Variants in RGL3 observed in about 807,000 individuals in gnomAD.
The protein encoded by RGL3 is ral guanine nucleotide dissociation stimulator-like 3.
Under a neutral mutation model 90.6 loss-of-function variants are expected in RGL3, and 85 were observed. That is an observed-to-expected ratio of 0.94 (90% CI 0.79 to 1.12). The LOEUF (loss-of-function observed/expected upper bound fraction) is 1.12, where lower values mean the gene tolerates loss of function less well. RGL3 is among the 50% of genes most tolerant of loss of function. The pLI is 0.00. For synonymous variants in RGL3, 408 were observed against 385.5 expected (o/e 1.06, Z -0.68); for missense variants, 1,034 against 939.2 (o/e 1.10, Z -1.32).
In RGL3 at chr19:11,394,307, G is replaced by T; in HGVS notation, c.*95C>A. On this transcript the variant is annotated 3_prime_UTR_variant, in exon 19 of 19. Coordinates refer to ENST00000380456, the MANE Select transcript of RGL3 (RefSeq NM_001035223.4). ...TTGGGTGGTGGTCCTGGGATACACA[G>T]CACAGTGGCCTCTACTGGGGGATGG... The T allele has an allele frequency of 1.1e-6, 1 of 908,222 alleles. No homozygotes were observed. The highest frequency in any genetic ancestry group is 1.8e-6 in the Non-Finnish European group (1 of 541,804). 56.3% of individuals were successfully genotyped at this position (908,222 alleles called of 1,614,324 possible). A position where few individuals can be genotyped will look rare whatever the true frequency, so the allele number is the denominator to read the frequency against.
At chr19:11,403,637 T>C (rs1237227727) in intron 9 of RGL3, among the ~76,000 whole-genome samples, 1 of 100,480 alleles carries the variant, frequency 1.0e-5, no homozygotes, top group African/African-American at 4.3e-5. Context: ...CAAAACTCCA[T>C]CTCAAAAAAA....
Position 11,416,972 on chromosome 19 carries a change from C to T in RGL3, c.235G>A (p.Gly79Arg). The T allele has an allele frequency of 1.2e-6, 2 of 1,614,026 alleles. No homozygotes were observed. Among genetic ancestry groups the T allele is most frequent in the African/African-American group, 2.7e-5 (2 of 74,984 alleles). Reference sequence around the variant, plus strand: ...TCACGGTCTCCAAACACCAACTCTCCCACCAGCCGCTCCAGGCGCGCTGCC... The same window carrying T: ...TCACGGTCTCCAAACACCAACTCTCTCACCAGCCGCTCCAGGCGCGCTGCC... ...LRAARLERLV[G>R]ELVFGDREQD... The change falls in exon 3 of 19, where the codon GGA (glycine) becomes AGA (arginine). Residue 79 changes from glycine to arginine, a missense_variant. Transcript: ENST00000380456.
At chr19:11,402,331 A>T in intron 11 of RGL3, 84 bp from the exon 12 acceptor site, 1 of 1,593,324 alleles carries the variant, frequency 6.3e-7, no homozygotes, top group South Asian at 1.1e-5. Flanking sequence ...CAGGAGCCCC[A>T]CTGTAGTAAG....
rs143935430 is a variant in RGL3 at position 11,405,379 on chromosome 19, G to A, written c.1044C>T (p.Ser348=). 7.7e-5 allele frequency: 124 copies of A among 1,609,896 alleles called. No homozygotes were observed. Among genetic ancestry groups the A allele is most frequent in the Middle Eastern group, 3.3e-4 (2 of 5,986 alleles). ...GGTAGATGGGGTTAGATTGCAGGGC[G>A]GACAGGATGGCGCGCAAGGAGGAGA... ...RNFSSLRAIL[S]ALQSNPIYRL... The change falls in exon 8 of 19, where the codon TCC becomes TCT. Residue 348 remains serine (S), a synonymous_variant. Transcript: ENST00000380456.
In RGL3 at chr19:11,418,651, C is replaced by T; in HGVS notation, c.147+20G>A. ...CTGGTCGCTTCCGGCCCCGCGCCAC[C>T]CACCAAACCCCCTCCTCACCTGGCT... On this transcript the variant is annotated intron_variant, in intron 2 of 18. Coordinates refer to ENST00000380456, the MANE Select transcript of RGL3 (RefSeq NM_001035223.4). 6.6e-7 allele frequency: 1 copy of T among 1,525,630 alleles called. No individual in the cohort carries two copies. The highest frequency in any genetic ancestry group is 8.8e-7 in the Non-Finnish European group (1 of 1,136,294). The allele number at this position is 1,525,630 out of a possible 1,614,324, so 94.5% of individuals were successfully genotyped here.
chr19:11,414,150 TATATATATATATATATATATATATATAC>T (rs1968920448), intron 5 of RGL3, among the ~76,000 whole-genome samples: 1 of 83,772 alleles, frequency 1.2e-5, no homozygotes, highest in Non-Finnish European at 2.3e-5. Flanking sequence ...TATATATATA[TATATATATATATATATATATATATATAC>T]ACCTATATAT....
intron 13 of RGL3, among the ~76,000 whole-genome samples, chr19:11,401,054 G>T (rs1224166846): frequency 6.6e-6 from 1 of 151,576 alleles, no homozygotes; most frequent in Non-Finnish European, 1.5e-5. Context: ...AGGGTCAAGG[G>T]TTGGGGTCAG....
chr19:11,413,722 T>C (rs944137443), intron 5 of RGL3, among the ~76,000 whole-genome samples: 1 of 149,388 alleles, frequency 6.7e-6, no homozygotes, highest in East Asian at 1.9e-4. Context: ...AATTAATTAA[T>C]TAATTATTAT....
At chr19:11,396,100 ATCTCTCTCTCTCTCTC>A (rs66711304) in intron 18 of RGL3, among the ~76,000 whole-genome samples, 3 of 33,924 alleles carry the variant, frequency 8.8e-5, no homozygotes, top group African/African-American at 2.2e-4. Context: ...TGCTCAGCTA[ATCTCTCTCTCTCTCTC>A]TCTCTCTCTC....
intron 9 of RGL3, among the ~76,000 whole-genome samples, chr19:11,403,778 C>T (rs1968723002): frequency 6.6e-6 from 1 of 152,090 alleles, no homozygotes; most frequent in African/African-American, 2.4e-5. Context: ...GTAGTGGCCC[C>T]CAGGGCTGGC....
chr19:11,397,440 C>T lies in RGL3; in HGVS notation c.1899+5G>A, dbSNP rs1054441620. On this transcript the variant is annotated splice_donor_5th_base_variant and intron_variant, in intron 17 of 18. Coordinates refer to ENST00000380456, the MANE Select transcript of RGL3 (RefSeq NM_001035223.4). ...CTCCAGCAGACCCCCAGCCCAGCCCCTCACCAAGATGCTTCGATACAGGTT... is the reference window on the plus strand; with the variant it reads ...CTCCAGCAGACCCCCAGCCCAGCCCTTCACCAAGATGCTTCGATACAGGTT... The T allele has an allele frequency of 2.5e-6, 4 of 1,601,738 alleles. No individual in the cohort carries two copies. Among genetic ancestry groups the T allele is most frequent in the Non-Finnish European group, 2.6e-6 (3 of 1,172,172 alleles).
At chr19:11,396,293 G>A (rs1396905662) in intron 18 of RGL3, among the ~76,000 whole-genome samples, 12 of 142,300 alleles carry the variant, frequency 8.4e-5, no homozygotes, top group Admixed American at 8.0e-4. Context: ...TCAGCCTCCC[G>A]AGTAGCTGAG....
intron 5 of RGL3, among the ~76,000 whole-genome samples, chr19:11,415,153 AAAATT>A (rs1295502720): frequency 4.0e-5 from 6 of 151,702 alleles, no homozygotes; most frequent in Non-Finnish European, 7.4e-5. Flanking sequence ...ATAAAAAAAT[AAAATT>A]AAATTAAATT....
At chr19:11,399,408 T>TA (rs1968632377) in intron 16 of RGL3, among the ~76,000 whole-genome samples, 2 of 151,598 alleles carry the variant, frequency 1.3e-5, no homozygotes, top group African/African-American at 2.4e-5. Context: ...CTCTACTAAA[T>TA]AAAAAAAATA....
At chr19:11,405,492 ATCTTTTTTTTTTTTTTTTTTTTTTTTT>A in intron 7 of RGL3, 66 bp from the exon 8 acceptor site, 1 of 132,454 alleles carries the variant, frequency 7.5e-6, no homozygotes, top group Non-Finnish European at 1.5e-5. Context: ...AAACTTCTTC[ATCTTTTTTTTTTTTTTTTTTTTTTTTT>A]TTTTTTTTTT....
rs755506881 is a variant in RGL3 at position 11,416,061 on chromosome 19, G to A, written c.513C>T (p.Val171=). ...DHPAHSDLGS[V]RTFLGWAAPG... ...GGGCCGCCCAGCCCAGAAAGGTTCG[G>A]ACACTGCCCAGGTCCGAATGGGCAG... The change falls in exon 5 of 19, where the codon GTC becomes GTT. Residue 171 remains valine, a synonymous_variant. Transcript: ENST00000380456. 6.2e-7 allele frequency: 1 copy of A among 1,613,468 alleles called. No homozygotes were observed. Among genetic ancestry groups the A allele is most frequent in the African/African-American group, 1.3e-5 (1 of 74,826 alleles).
chr19:11,415,482 G>T (rs1377283818), intron 5 of RGL3, among the ~76,000 whole-genome samples: 3 of 146,400 alleles, frequency 2.0e-5, no homozygotes, highest in Non-Finnish European at 3.0e-5. Flanking sequence ...CAAAGAATTT[G>T]TTTTTTTTTT....
At chr19:11,417,526 A>C (rs1171636099) in intron 2 of RGL3, among the ~76,000 whole-genome samples, 3 of 138,112 alleles carry the variant, frequency 2.2e-5, no homozygotes, top group African/African-American at 8.4e-5. Context: ...GCTGGAGTTC[A>C]GTGGCGTGAT....
chr19:11,413,121 T>A (rs1356292766), intron 5 of RGL3, among the ~76,000 whole-genome samples: 1 of 151,256 alleles, frequency 6.6e-6, no homozygotes, highest in East Asian at 1.9e-4. Flanking sequence ...TCTGCAATGG[T>A]GGAAAAATTA....
Sources: allele counts gnomAD v4.1 joint callset (sites outside exome capture counted in the v4.1 genomes callset), GRCh38; gene constraint gnomAD v4.1.1; transcripts MANE v1.5; gene names NCBI Gene and HGNC (gene_info 2026-07-23, HGNC 2026-07-21).